TDRD9: variants seen among roughly 807,000 people sequenced by gnomAD.
TDRD9 encodes ATP-dependent RNA helicase TDRD9.
TDRD9 carries 124 observed loss-of-function variants against 172.6 expected under a neutral mutation model. That is an observed-to-expected ratio of 0.72 (90% CI 0.62 to 0.83). The LOEUF (loss-of-function observed/expected upper bound fraction) is 0.83, where lower values mean the gene tolerates loss of function less well. TDRD9 is among the 40% of genes least tolerant of loss of function. TDRD9 has a pLI of 0.00. For missense variants in TDRD9, 1,479 were observed against 1,714.1 expected (o/e 0.86, Z 2.42); for synonymous variants, 619 against 617.1 (o/e 1.00, Z -0.05).
intron 2 of TDRD9, among the ~76,000 whole-genome samples, chr14:103,956,406 C>G (rs1373561372): frequency 4.6e-5 from 7 of 151,526 alleles, no homozygotes; most frequent in Non-Finnish European, 1.0e-4. Flanking sequence ...CCACTGCATT[C>G]CAGCCTGGCA....
intron 23 of TDRD9, among the ~76,000 whole-genome samples, chr14:104,021,466 G>A (rs1224317780): frequency 6.6e-6 from 1 of 152,142 alleles, no homozygotes. Flanking sequence ...AGGCTGAGAT[G>A]GGCAGATCAT....
chr14:103,952,437 TTCACCGTG>T (rs1205528438), intron 1 of TDRD9, among the ~76,000 whole-genome samples: 1 of 149,188 alleles, frequency 6.7e-6, no homozygotes, highest in Non-Finnish European at 1.5e-5. Flanking sequence ...GAGACGGGGT[TTCACCGTG>T]TTAGCCAGGA....
At chr14:103,940,426 T>A (rs2031149846) in intron 1 of TDRD9, 1 of 161,250 alleles carries the variant, frequency 6.2e-6, no homozygotes, top group Admixed American at 6.2e-5. Flanking sequence ...AAAGATAGGA[T>A]TCGTATTAAT....
intron 20 of TDRD9, among the ~76,000 whole-genome samples, chr14:104,009,733 TA>T (rs1406171249): frequency 3.9e-5 from 6 of 152,186 alleles, no homozygotes; most frequent in African/African-American, 1.4e-4. Context: ...TTTCTTTCTT[TA>T]TATCCTTATT....
chr14:104,042,702 A>G (rs911543563), intron 34 of TDRD9, among the ~76,000 whole-genome samples: 10 of 152,138 alleles, frequency 6.6e-5, no homozygotes, highest in Non-Finnish European at 1.2e-4. Context: ...GAAGGCCAAG[A>G]AGAGTGGGAG....
chr14:103,994,086 G>A (rs917332490), intron 9 of TDRD9, among the ~76,000 whole-genome samples: 1 of 152,204 alleles, frequency 6.6e-6, no homozygotes, highest in Middle Eastern at 3.2e-3. Context: ...AACACCCACA[G>A]GGAGTCACTG....
intron 15 of TDRD9, 48 bp downstream of exon 15, chr14:104,005,453 T>C (rs750482435): frequency 3.7e-6 from 6 of 1,603,636 alleles, no homozygotes; most frequent in African/African-American, 2.7e-5. Flanking sequence ...AGAGCTGTGT[T>C]CTACTGTGGC....
chr14:103,973,726 G>T (rs2033129778), intron 6 of TDRD9, among the ~76,000 whole-genome samples: 1 of 152,176 alleles, frequency 6.6e-6, no homozygotes, highest in South Asian at 2.1e-4. Flanking sequence ...TGACTGGGGT[G>T]TGTCCCTTAG....
chr14:103,944,779 G>T (rs2031469917), intron 1 of TDRD9, among the ~76,000 whole-genome samples: 1 of 151,930 alleles, frequency 6.6e-6, no homozygotes, highest in African/African-American at 2.4e-5. Flanking sequence ...TTGGCCAGCT[G>T]GTCTTGAACT....
intron 1 of TDRD9, among the ~76,000 whole-genome samples, chr14:103,935,222 G>C (rs925258315): frequency 2.0e-5 from 3 of 152,196 alleles, no homozygotes; most frequent in African/African-American, 7.2e-5. Context: ...TTTCTTTAGA[G>C]AACTATGACT....
At chr14:103,970,325 G>A (rs2032964895) in intron 5 of TDRD9, among the ~76,000 whole-genome samples, 1 of 152,156 alleles carries the variant, frequency 6.6e-6, no homozygotes, top group South Asian at 2.1e-4. Context: ...GCCCTAAGGA[G>A]AAACACTGGG....
chr14:104,048,072 A>AT (rs60628904), intron 34 of TDRD9, among the ~76,000 whole-genome samples: 8,387 of 152,028 alleles, frequency 0.055, 632 homozygotes, highest in African/African-American at 0.17. Context: ...TTTGTTGGAA[A>AT]TTGGGTACTT....
intron 32 of TDRD9, among the ~76,000 whole-genome samples, chr14:104,035,908 G>A (rs978319708): frequency 1.3e-5 from 2 of 152,090 alleles, no homozygotes; most frequent in South Asian, 2.1e-4. Context: ...CAGGTGGAAG[G>A]GCCCCACCGT....
intron 35 of TDRD9, among the ~76,000 whole-genome samples, chr14:104,050,500 T>G (rs1016685020): frequency 6.6e-6 from 1 of 152,224 alleles, no homozygotes; most frequent in Non-Finnish European, 1.5e-5. Context: ...TTTGGAGATT[T>G]AATTCCAGAG....
chr14:103,996,063 G>A (rs1285902467), intron 12 of TDRD9, among the ~76,000 whole-genome samples: 2 of 152,184 alleles, frequency 1.3e-5, no homozygotes, highest in African/African-American at 2.4e-5. Flanking sequence ...GGCCTTGTGG[G>A]AAACAGCTTC....
intron 30 of TDRD9, among the ~76,000 whole-genome samples, chr14:104,032,622 G>A (rs548250407): frequency 1.3e-5 from 2 of 152,320 alleles, no homozygotes; most frequent in East Asian, 3.9e-4. Context: ...TTTTATCAAA[G>A]ACTACATTTT....
chr14:104,051,644 A>T (rs1566810945), intron 35 of TDRD9, among the ~76,000 whole-genome samples: 1 of 152,146 alleles, frequency 6.6e-6, no homozygotes, highest in African/African-American at 2.4e-5. Flanking sequence ...AATAATAGCT[A>T]TTCTGACTGG....
rs2035269385 is a variant in TDRD9, at chr14:104,031,201, TATCTC to T, written c.3380_3384del (p.Leu1127ProfsTer11). The T allele has an allele frequency of 6.4e-7, 1 of 1,551,832 alleles. No individual in the cohort carries two copies. The highest frequency in any genetic ancestry group is 8.7e-7 in the Non-Finnish European group (1 of 1,146,984). ...CTTTCCCATGAAAGACGACGAGAAA[TATCTC>T]ATCCGGATTTTGTTAGAGAGCTTTT... On this transcript the variant is annotated frameshift_variant, in exon 29 of 36. Transcript: ENST00000409874. LOFTEE classifies it high-confidence loss of function.
Position 103,995,795 on chromosome 14 carries a change from G to C in TDRD9, c.1366G>C (p.Asp456His), listed in dbSNP as rs752139573. The C allele has an allele frequency of 2.5e-6, 4 of 1,608,860 alleles. No homozygotes were observed. The highest frequency in any genetic ancestry group is 2.2e-5 in the South Asian group (2 of 89,946). Residue 456 changes from aspartate (D) to histidine (H), a missense_variant, in exon 12 of 36, where the codon GAT becomes CAT. Coordinates refer to ENST00000409874, the MANE Select transcript of TDRD9 (RefSeq NM_153046.3). ...NIAESSVTVPDVKYVIDFCLT... is the reference protein window; with the variant it reads ...NIAESSVTVPHVKYVIDFCLT... ...TGCAGAGAGTTCTGTCACAGTTCCA[G>C]ATGTCAAATATGGTAAGATACTTCT... is the stretch of plus-strand genomic sequence containing the variant.
Sources: allele counts gnomAD v4.1 joint callset (sites outside exome capture counted in the v4.1 genomes callset), GRCh38; gene constraint gnomAD v4.1.1; transcripts MANE v1.5; gene names NCBI Gene and HGNC (gene_info 2026-07-23, HGNC 2026-07-21).